ANKRD11: variants seen among roughly 807,000 people sequenced by gnomAD.
ANKRD11 encodes the protein ankyrin repeat domain-containing protein 11.
Under a neutral mutation model 195.7 loss-of-function variants are expected in ANKRD11, and 17 were observed. That is an observed-to-expected ratio of 0.09 (90% confidence interval 0.06 to 0.13). ANKRD11 has a LOEUF of 0.13. ANKRD11 is among the 10% of genes least tolerant of loss of function. The probability of loss-of-function intolerance (pLI) is 1.00; values close to 1 mark genes in which losing one functional copy is unlikely to be tolerated. For missense variants in ANKRD11, 3,735 were observed against 3,566.1 expected, an observed-to-expected ratio of 1.05 and a Z score of -1.21; for synonymous variants, 1,953 against 1,528.1, an observed-to-expected ratio of 1.28 and a Z score of -6.49.
At position 89,282,859 on chromosome 16, in the gene ANKRD11, G is replaced by A; in HGVS notation, c.3683C>T (p.Ser1228Phe). 6.2e-7 allele frequency: 1 copy of A among 1,612,418 alleles called. No homozygotes were observed. The highest frequency in any genetic ancestry group is 8.5e-7 in the Non-Finnish European group (1 of 1,179,988). The change falls in exon 9 of 13, where the codon TCC becomes TTC. Residue 1228 changes from serine (S) to phenylalanine (F), a missense_variant. Coordinates refer to ENST00000301030, the MANE Select transcript of ANKRD11 (RefSeq NM_013275.6). ...KDRKDRASVDSTQDKKNKQKL... is the reference protein window; with the variant it reads ...KDRKDRASVDFTQDKKNKQKL... ...CTGTTTATTTTTCTTATCTTGCGTG[G>A]AGTCCACTGAGGCTCTGTCCTTCCT...
At chr16:89,474,087 A>C (rs1467896954) in intron 1 of ANKRD11, among the ~76,000 whole-genome samples, 7 of 152,188 alleles carry the variant, frequency 4.6e-5, no homozygotes, top group Non-Finnish European at 7.3e-5. Flanking sequence ...CAAGAAAACA[A>C]AGACTTGCGT....
intron 1 of ANKRD11, among the ~76,000 whole-genome samples, chr16:89,482,189 C>T (rs1327387396): frequency 6.6e-6 from 1 of 152,052 alleles, no homozygotes; most frequent in Non-Finnish European, 1.5e-5. Flanking sequence ...AAACATGTAG[C>T]TCCTTCCAGC....
intron 1 of ANKRD11, among the ~76,000 whole-genome samples, chr16:89,439,155 C>T (rs973410993): frequency 2.6e-5 from 4 of 152,056 alleles, no homozygotes; most frequent in African/African-American, 9.7e-5. Context: ...CATGCATGCA[C>T]AGTCCCAGAG....
chr16:89,288,691 C>G (rs574272575), intron 6 of ANKRD11, 21 bp from the exon 7 acceptor site: 11 of 1,613,914 alleles, frequency 6.8e-6, no homozygotes, highest in Admixed American at 1.7e-5. Context: ...ACACTCAGGA[C>G]GTACGTTATT....
chr16:89,278,453 G>A (rs1160660922), intron 9 of ANKRD11: 15 of 448,084 alleles, frequency 3.3e-5, no homozygotes, highest in Non-Finnish European at 5.8e-5. Context: ...AAGGAGCTGG[G>A]GGAGTGGGGG....
chr16:89,489,217 ACACACACACGCGCGCGCGCGCGCGCGCG>A (rs901293625), intron 1 of ANKRD11: 19 of 110,116 alleles, frequency 1.7e-4, no homozygotes, highest in African/African-American at 4.7e-4. Context: ...CCCTACACAC[ACACACACACGCGCGCGCGCGCGCGCGCG>A]CACACACATA....
At chr16:89,318,187 T>C (rs1364430369) in intron 2 of ANKRD11, among the ~76,000 whole-genome samples, 1 of 152,180 alleles carries the variant, frequency 6.6e-6, no homozygotes, top group South Asian at 2.1e-4. Flanking sequence ...CCTGGTCTCT[T>C]CTGTGGCGAT....
In ANKRD11 at chr16:89,490,350, A is replaced by AGGCGGCGGC. The variant is rs953053004; in HGVS notation, c.-259_-251dup. ...CCCGGGCCGCGCGGCCCGAGCGGCA[A>AGGCGGCGGC]GGCGGCGGCGGCGGCGGCGCGGGCT... is the stretch of plus-strand genomic sequence containing the variant. On this transcript the variant is annotated 5_prime_UTR_variant, in exon 1 of 13. Transcript: ENST00000301030. 2 of 148,648 alleles carry AGGCGGCGGC rather than the reference A, an allele frequency of 1.3e-5. No individual in the cohort carries two copies. The highest frequency in any genetic ancestry group is 6.8e-5 in the Admixed American group (1 of 14,800). The allele number at this position is 148,648 out of a possible 1,614,324, so 9.2% of individuals were successfully genotyped here.
intron 1 of ANKRD11, among the ~76,000 whole-genome samples, chr16:89,456,347 G>A (rs4785671): frequency 0.47 from 71,752 of 151,450 alleles, 17,492 homozygotes; most frequent in Middle Eastern, 0.66. Context: ...TCAGGAGTTC[G>A]AGACCAGCCT....
intron 2 of ANKRD11, among the ~76,000 whole-genome samples, chr16:89,341,915 G>A (rs371107664): frequency 0.052 from 2,924 of 56,148 alleles, 2 homozygotes; most frequent in Middle Eastern, 0.11. Context: ...CAGCGGCCAC[G>A]GCCCACGGCG....
chr16:89,363,014 T>G (rs2039797797), intron 2 of ANKRD11, among the ~76,000 whole-genome samples: 1 of 151,792 alleles, frequency 6.6e-6, no homozygotes, highest in African/African-American at 2.4e-5. Context: ...CTTTATCCGG[T>G]GTACTCTCGT....
intron 1 of ANKRD11, among the ~76,000 whole-genome samples, chr16:89,449,880 G>A (rs559708041): frequency 9.5e-6 from 1 of 104,772 alleles, no homozygotes; most frequent in South Asian, 3.0e-4. Flanking sequence ...CATGATCAAA[G>A]TCATAGACAG....
chr16:89,303,730 A>G (rs1445359864), intron 4 of ANKRD11, among the ~76,000 whole-genome samples: 2 of 152,214 alleles, frequency 1.3e-5, no homozygotes, highest in Non-Finnish European at 2.9e-5. Flanking sequence ...CACATAGGAC[A>G]GGAGGGGCCA....
chr16:89,316,865 C>A lies in ANKRD11; in HGVS notation c.87+68G>T. The A allele has an allele frequency of 2.6e-6, 4 of 1,555,222 alleles. No individual in the cohort carries two copies. In the South Asian group the frequency reaches 4.7e-5, roughly 18 times the overall value. On this transcript the variant is annotated intron_variant, in intron 3 of 12. Coordinates refer to ENST00000301030, the MANE Select transcript of ANKRD11 (RefSeq NM_013275.6). ...CGGAGAACAGGCCACAGGCGGGCAG[C>A]ACCCCATTCCCACCTCATCCCCATC...
At chr16:89,290,243 AGCGGGGGGT>A in intron 6 of ANKRD11, among the ~76,000 whole-genome samples, 2 of 20,566 alleles carry the variant, frequency 9.7e-5, no homozygotes, top group African/African-American at 1.7e-4. Flanking sequence ...TCAGGGCTCC[AGCGGGGGGT>A]AGGCTCAGGG....
chr16:89,468,723 G>A (rs932572558), intron 1 of ANKRD11, among the ~76,000 whole-genome samples: 4 of 151,938 alleles, frequency 2.6e-5, no homozygotes, highest in African/African-American at 7.3e-5. Flanking sequence ...AAAGAAGGAC[G>A]AAGCAAAAGT....
chr16:89,271,154 CGCAGGCCCCACCTGTGA>C, intron 11 of ANKRD11: 1 of 558,222 alleles, frequency 1.8e-6, no homozygotes, highest in East Asian at 3.2e-5. Flanking sequence ...ACCGGGTGCC[CGCAGGCCCCACCTGTGA>C]GCCGGTCCCC....
At chr16:89,352,241 G>A (rs1354629926) in intron 2 of ANKRD11, among the ~76,000 whole-genome samples, 3 of 152,050 alleles carry the variant, frequency 2.0e-5, no homozygotes, top group Non-Finnish European at 4.4e-5. Flanking sequence ...ATGGAATGCT[G>A]GACACGAGAC....
At chr16:89,469,167 G>A (rs180761620) in intron 1 of ANKRD11, among the ~76,000 whole-genome samples, 66 of 151,640 alleles carry the variant, frequency 4.4e-4, no homozygotes, top group African/African-American at 1.4e-3. Context: ...GCCACAGGGC[G>A]AGGCTCTGTT....
Sources: gnomAD v4.1 joint callset for allele counts (sites outside exome capture counted in the v4.1 genomes callset) on GRCh38, gnomAD v4.1.1 for gene constraint, MANE v1.5 for transcripts, NCBI Gene and HGNC (gene_info 2026-07-23, HGNC 2026-07-21) for gene names.